The following GPHN variants were observed in gnomAD, a reference collection of about 807,000 sequenced individuals.
GPHN encodes the protein gephyrin.
GPHN carries 17 observed loss-of-function variants against 95.5 expected under a neutral mutation model. That is an observed-to-expected ratio of 0.18 (90% CI 0.12 to 0.27). GPHN has a LOEUF of 0.27. Among genes scored for constraint, GPHN ranks in the 10% least tolerant of loss-of-function variants. GPHN has a pLI of 1.00. For synonymous variants in GPHN, 320 were observed against 322.5 expected (o/e 0.99, Z 0.08); for missense variants, 660 against 978.1 (o/e 0.67, Z 4.34).
intron 11 of GPHN, among the ~76,000 whole-genome samples, chr14:67,066,875 A>G (rs181407259): frequency 9.2e-5 from 14 of 152,166 alleles, no homozygotes; most frequent in African/African-American, 3.4e-4. Flanking sequence ...GGGTTAGAAC[A>G]TGCTCCTTTA....
the GPHN span, among the ~76,000 whole-genome samples, chr14:67,225,926 AGTGTGTGTGTGTGT>A: frequency 1.0e-4 from 14 of 136,630 alleles, no homozygotes; most frequent in South Asian, 7.2e-4. Flanking sequence ...TAATGCTGTG[AGTGTGTGTGTGTGT>A]GTGTGTGTGT....
intron 9 of GPHN, among the ~76,000 whole-genome samples, chr14:66,997,517 G>A (rs2071900294): frequency 6.6e-6 from 1 of 152,020 alleles, no homozygotes; most frequent in Middle Eastern, 3.2e-3. Context: ...AATTCTGATT[G>A]CAGAAATATT....
the GPHN span, among the ~76,000 whole-genome samples, chr14:67,668,627 G>C: frequency 1.3e-5 from 2 of 152,052 alleles, no homozygotes; most frequent in Non-Finnish European, 2.9e-5. Flanking sequence ...CCTAGTCTGT[G>C]CTAGGCACTG....
chr14:67,029,612 C>T (rs150571968), intron 10 of GPHN, among the ~76,000 whole-genome samples: 4,133 of 152,328 alleles, frequency 0.027, 80 homozygotes, highest in Non-Finnish European at 0.038. Flanking sequence ...GCTGGGATTA[C>T]AGGCGTGAGC....
intron 2 of GPHN, among the ~76,000 whole-genome samples, chr14:66,743,014 T>C (rs906605124): frequency 2.0e-5 from 3 of 152,112 alleles, no homozygotes; most frequent in Admixed American, 6.5e-5. Flanking sequence ...AGTTTCTTTT[T>C]CTTGTTTAAG....
At chr14:67,530,117 C>T in the GPHN span, among the ~76,000 whole-genome samples, 2 of 152,182 alleles carry the variant, frequency 1.3e-5, no homozygotes, top group African/African-American at 4.8e-5. Flanking sequence ...ATCTGCTTAT[C>T]CATTGCAATC....
chr14:67,670,384 T>C, the GPHN span, among the ~76,000 whole-genome samples: 68,317 of 151,882 alleles, frequency 0.45, 17,909 homozygotes, highest in Non-Finnish European at 0.61. Context: ...GAGTATTCCA[T>C]GTTTTACTCC....
intron 3 of GPHN, among the ~76,000 whole-genome samples, chr14:66,797,038 T>C: frequency 6.7e-6 from 1 of 149,524 alleles, no homozygotes; most frequent in Admixed American, 6.7e-5. Flanking sequence ...TTTTTTTTTT[T>C]TTTTGCATAA....
the GPHN span, among the ~76,000 whole-genome samples, chr14:67,491,761 A>C: frequency 6.6e-6 from 1 of 152,208 alleles, no homozygotes; most frequent in Non-Finnish European, 1.5e-5. Context: ...CCCTGAGCAC[A>C]AATGGATCTG....
the GPHN span, chr14:67,385,338 C>G: frequency 6.6e-6 from 1 of 151,902 alleles, no homozygotes; most frequent in African/African-American, 2.4e-5. Context: ...ATGCCTGTAA[C>G]CCTGGCACTT....
chr14:66,967,129 A>C (rs1246796076), intron 9 of GPHN, among the ~76,000 whole-genome samples: 1 of 151,892 alleles, frequency 6.6e-6, no homozygotes, highest in Non-Finnish European at 1.5e-5. Flanking sequence ...TTTCTTTTGA[A>C]TAATTTTGAT....
the GPHN span, among the ~76,000 whole-genome samples, chr14:67,342,072 A>G: frequency 3.3e-5 from 5 of 152,182 alleles, no homozygotes; most frequent in East Asian, 9.7e-4. Flanking sequence ...TCCTCTGCCT[A>G]GGAAAACCAG....
chr14:67,014,703 A>T (rs2073203398), intron 9 of GPHN, among the ~76,000 whole-genome samples: 1 of 152,172 alleles, frequency 6.6e-6, no homozygotes, highest in African/African-American at 2.4e-5. Flanking sequence ...AAGAGTAATT[A>T]CTCTGTAAAA....
the GPHN span, chr14:67,488,428 G>A: frequency 4.7e-3 from 723 of 152,610 alleles, 10 homozygotes; most frequent in African/African-American, 0.017. Context: ...ACAGTGGGCT[G>A]CTGTGCTCAG....
At chr14:66,724,168 A>G (rs147279905) in intron 2 of GPHN, among the ~76,000 whole-genome samples, 58 of 152,276 alleles carry the variant, frequency 3.8e-4, no homozygotes, top group African/African-American at 1.2e-3. Context: ...ATTCTGGCAT[A>G]TGGGACAAAT....
chr14:66,602,924 T>C (rs2140858787), intron 1 of GPHN, among the ~76,000 whole-genome samples: 1 of 152,004 alleles, frequency 6.6e-6, no homozygotes, highest in African/African-American at 2.4e-5. Flanking sequence ...TATTTCAATA[T>C]TATCAACATT....
intron 9 of GPHN, among the ~76,000 whole-genome samples, chr14:67,005,633 T>C (rs954454028): frequency 5.9e-5 from 9 of 151,976 alleles, no homozygotes; most frequent in African/African-American, 2.2e-4. Flanking sequence ...GACTCATGTT[T>C]CATTTTTCAG....
chr14:66,914,271 A>G (rs1359270419), intron 5 of GPHN, among the ~76,000 whole-genome samples: 1 of 152,144 alleles, frequency 6.6e-6, no homozygotes, highest in Admixed American at 6.6e-5. Context: ...AATTGGAATA[A>G]AAAGAATTAA....
At chr14:67,584,964 A>G in the GPHN span, among the ~76,000 whole-genome samples, 1 of 152,222 alleles carries the variant, frequency 6.6e-6, no homozygotes. Flanking sequence ...TCCAATGTCT[A>G]TCTGCCTCCC....
Sources: allele counts gnomAD v4.1 joint callset (sites outside exome capture counted in the v4.1 genomes callset), GRCh38; gene constraint gnomAD v4.1.1; transcripts MANE v1.5; gene names NCBI Gene and HGNC (gene_info 2026-07-23, HGNC 2026-07-21).